NIPAL1: variants seen among roughly 807,000 people sequenced by gnomAD.
NIPAL1 encodes NIPA like domain containing 1, also known as magnesium transporter NIPA3.
A neutral mutation model predicts 37.7 loss-of-function variants in NIPAL1; 35 were observed. The ratio of observed to expected loss-of-function variants is 0.93; its 90% CI spans 0.71 to 1.23. The LOEUF (loss-of-function observed/expected upper bound fraction) is 1.23. Ranked by LOEUF, NIPAL1 falls within the 50% of genes most tolerant of loss-of-function variation. The pLI is 0.00. For missense variants in NIPAL1, 412 were observed against 473.9 expected (o/e 0.87, Z 1.21); for synonymous variants, 162 against 183.0 (o/e 0.89, Z 0.93).
chr4:48,020,894 C>T (rs573994499), intron 1 of NIPAL1, among the ~76,000 whole-genome samples: 1 of 152,198 alleles, frequency 6.6e-6, no homozygotes, highest in South Asian at 2.1e-4. Flanking sequence ...CAATTATTGA[C>T]TTTCTTAAAA....
rs1715977966 is a variant in NIPAL1 at position 48,037,390 on chromosome 4, T to C, written c.*1218T>C. 3.2e-6 allele frequency: 1 copy of C among 313,890 alleles called. No homozygotes were observed. Among genetic ancestry groups the C allele is most frequent in the African/African-American group, 2.2e-5 (1 of 45,128 alleles). 19.4% of individuals were successfully genotyped at this position (313,890 alleles called of 1,614,324 possible). On this transcript the variant is annotated 3_prime_UTR_variant, in exon 6 of 6. Coordinates refer to ENST00000295461, the MANE Select transcript of NIPAL1 (RefSeq NM_207330.3). ...TATGTTCATTTTTTTTCCTTTTCTT[T>C]TACTATTATCCTAAAGGTTATTTTT...
At chr4:48,024,656 G>C (rs1287292753) in intron 1 of NIPAL1, among the ~76,000 whole-genome samples, 5 of 152,184 alleles carry the variant, frequency 3.3e-5, no homozygotes, top group Admixed American at 1.3e-4. Context: ...CACAAGCCCT[G>C]CTTTCCAGTA....
Position 48,035,014 on chromosome 4 carries a change from G to T in NIPAL1, c.595G>T (p.Glu199Ter). 6.2e-7 allele frequency: 1 copy of T among 1,614,016 alleles called. No individual in the cohort carries two copies. The highest frequency in any genetic ancestry group is 8.5e-7 in the Non-Finnish European group (1 of 1,179,914). ...PQEEEVTSLH[E>*]MEMKLRDPGF... ...AGAAGAGGAAGTCACATCTTTGCAT[G>T]AAATGGAAATGAAATTGAGAGACCC... Residue 199 changes from glutamate to a stop codon, truncating the protein, a stop_gained, in exon 5 of 6, where the codon GAA (glutamate) becomes TAA (stop). Coordinates refer to ENST00000295461, the MANE Select transcript of NIPAL1 (RefSeq NM_207330.3). LOFTEE classifies it high-confidence loss of function.
At chr4:48,028,095 C>T (rs769533159) in intron 2 of NIPAL1, among the ~76,000 whole-genome samples, 1 of 152,076 alleles carries the variant, frequency 6.6e-6, no homozygotes, top group African/African-American at 2.4e-5. Flanking sequence ...AAAGGGATGA[C>T]ATGGAAACAT....
rs1716010684 is a variant in NIPAL1 at position 48,038,701 on chromosome 4, G to A, written c.*2529G>A. 6.6e-6 allele frequency: 1 copy of A among 152,124 alleles called. No homozygotes were observed. The highest frequency in any genetic ancestry group is 1.5e-5 in the Non-Finnish European group (1 of 68,028). 9.4% of individuals were successfully genotyped at this position (152,124 alleles called of 1,614,324 possible). A position where few individuals can be genotyped will look rare whatever the true frequency, so the allele number is the denominator to read the frequency against. ...TTAAGAACTTTATTGATCTCTCTAG[G>A]ACACCTTGGTGAGGAAATTAATGGC... On this transcript the variant is annotated 3_prime_UTR_variant, in exon 6 of 6. Transcript: ENST00000295461.
At position 48,037,284 on chromosome 4, in the gene NIPAL1, ATTAATT is replaced by A. The variant is rs767464050; in HGVS notation, c.*1113_*1118del. On this transcript the variant is annotated 3_prime_UTR_variant, in exon 6 of 6. Transcript: ENST00000295461. ...ACACGTGATTGTTTTCACAGGTTCC[ATTAATT>A]AACTCAGGTCTGGAAGACATAGGAC... 30 of 437,610 alleles carry A rather than the reference ATTAATT, an allele frequency of 6.9e-5. No individual in the cohort carries two copies. The highest frequency in any genetic ancestry group is 5.3e-4 in the African/African-American group (26 of 49,108). 27.1% of individuals were successfully genotyped at this position (437,610 alleles called of 1,614,324 possible).
chr4:48,035,167 A>G (rs767176629), intron 5 of NIPAL1, 126 bp downstream of exon 5: 10 of 792,282 alleles, frequency 1.3e-5, no homozygotes, highest in African/African-American at 1.8e-5. Flanking sequence ...TGTGAGACAC[A>G]GTGAGGTTTG....
intron 2 of NIPAL1, among the ~76,000 whole-genome samples, chr4:48,025,756 G>T (rs1386790739): frequency 6.6e-6 from 1 of 152,142 alleles, no homozygotes; most frequent in Non-Finnish European, 1.5e-5. Context: ...CACTGGCTCG[G>T]TTTATCTTAG....
chr4:48,024,303 C>T (rs181989332), intron 1 of NIPAL1, among the ~76,000 whole-genome samples: 4 of 151,696 alleles, frequency 2.6e-5, no homozygotes, highest in East Asian at 3.9e-4. Context: ...TTTTTCGAGA[C>T]AGGGTCTTGC....
intron 1 of NIPAL1, 68 bp downstream of exon 1, chr4:48,016,953 G>A: frequency 7.5e-7 from 1 of 1,329,636 alleles, no homozygotes; most frequent in Non-Finnish European, 1.0e-6. Flanking sequence ...GGCGGTCCCC[G>A]GACACTTGCG....
intron 2 of NIPAL1, among the ~76,000 whole-genome samples, chr4:48,028,967 G>A (rs1715758951): frequency 1.3e-5 from 2 of 152,188 alleles, no homozygotes; most frequent in South Asian, 4.1e-4. Flanking sequence ...CTCTGTTGGT[G>A]GGGATGTAAA....
chr4:48,023,714 C>A (rs776214694), intron 1 of NIPAL1, among the ~76,000 whole-genome samples: 8 of 152,086 alleles, frequency 5.3e-5, no homozygotes, highest in Non-Finnish European at 1.0e-4. Context: ...TGTTTAGCCT[C>A]AAAATTCCAA....
intron 4 of NIPAL1, 21 bp from the exon 5 acceptor site, chr4:48,034,860 T>G: frequency 6.2e-7 from 1 of 1,600,246 alleles, no homozygotes; most frequent in East Asian, 2.2e-5. Context: ...TAGTGATTTT[T>G]AATTTTTTCT....
At chr4:48,031,054 G>T (rs113547583) in intron 3 of NIPAL1, among the ~76,000 whole-genome samples, 58 of 151,926 alleles carry the variant, frequency 3.8e-4, no homozygotes, top group African/African-American at 1.2e-3. Flanking sequence ...TTTTTTTGGG[G>T]TTTTTTTGTT....
In NIPAL1 at chr4:48,016,778, G is replaced by A; in HGVS notation, c.-62G>A. ...CCCCGCAGCCCCGCCCGCCGCGGGT[G>A]CGTGTGGAGAGGCCCAGGTGAGGAG... On this transcript the variant is annotated 5_prime_UTR_variant, in exon 1 of 6. Coordinates refer to ENST00000295461, the MANE Select transcript of NIPAL1 (RefSeq NM_207330.3). 1 of 1,486,870 alleles carries A rather than the reference G, an allele frequency of 6.7e-7. No individual in the cohort carries two copies. The highest frequency in any genetic ancestry group is 9.1e-7 in the Non-Finnish European group (1 of 1,103,174). 92.1% of individuals were successfully genotyped at this position (1,486,870 alleles called of 1,614,324 possible). A position where few individuals can be genotyped will look rare whatever the true frequency, so the allele number is the denominator to read the frequency against.
rs150843414 is a variant in NIPAL1 at position 48,027,130 on chromosome 4, A to G, written c.313+1796A>G. Among the ~76,000 whole-genome samples, 604 of 152,332 alleles carry G rather than the reference A, an allele frequency of 4.0e-3. 1 individual carries two copies. Among genetic ancestry groups the G allele is most frequent in the Middle Eastern group, 6.8e-3 (2 of 294 alleles). On this transcript the variant is annotated intron_variant, in intron 2 of 5. Transcript: ENST00000295461. The surrounding 1 kb of genome is among the most constrained non-coding windows in gnomAD (Gnocchi z 4.1). ...GATTGACAAAAAAAATCCTATATGGAAACACTTTAACTGAAACTAAAAAGC... is the reference window on the plus strand; with the variant it reads ...GATTGACAAAAAAAATCCTATATGGGAACACTTTAACTGAAACTAAAAAGC...
At chr4:48,020,943 A>G (rs1387033161) in intron 1 of NIPAL1, among the ~76,000 whole-genome samples, 1 of 152,170 alleles carries the variant, frequency 6.6e-6, no homozygotes, top group Non-Finnish European at 1.5e-5. Flanking sequence ...GATAATTTAA[A>G]TTATTATTTA....
intron 4 of NIPAL1, among the ~76,000 whole-genome samples, chr4:48,034,179 G>A (rs2109372286): frequency 6.6e-6 from 1 of 152,334 alleles, no homozygotes; most frequent in South Asian, 2.1e-4. Flanking sequence ...AGGTGGTAAG[G>A]AAGTATTTTG....
At chr4:48,035,362 G>C (rs912118792) in intron 5 of NIPAL1, among the ~76,000 whole-genome samples, 200 bp from the exon 6 acceptor site, 1 of 152,150 alleles carries the variant, frequency 6.6e-6, no homozygotes, top group Non-Finnish European at 1.5e-5. Context: ...GCTCATAGTG[G>C]TATTGGTGAG....
Sources: allele counts gnomAD v4.1 joint callset (sites outside exome capture counted in the v4.1 genomes callset), GRCh38; gene constraint gnomAD v4.1.1; non-coding constraint Gnocchi (gnomAD v3.1); transcripts MANE v1.5; gene names NCBI Gene and HGNC (gene_info 2026-07-23, HGNC 2026-07-21).